The following DCC variants were observed in gnomAD, a reference collection of about 807,000 sequenced individuals.
DCC encodes netrin receptor DCC.
DCC carries 58 observed loss-of-function variants against 172.5 expected under a neutral mutation model. The observed-to-expected ratio is 0.34, with a 90% CI of 0.27 to 0.42. The LOEUF is 0.42. Ranked by LOEUF, DCC falls within the 10% of genes least tolerant of loss-of-function variation. The pLI is 1.00. For missense variants in DCC, 1,740 were observed against 1,791.0 expected (o/e 0.97, Z 0.51); for synonymous variants, 709 against 644.5 (o/e 1.10, Z -1.52).
intron 5 of DCC, among the ~76,000 whole-genome samples, chr18:52,953,311 A>G (rs768214998): frequency 3.3e-5 from 5 of 152,182 alleles, no homozygotes; most frequent in Non-Finnish European, 7.4e-5. Flanking sequence ...CCCCTTCTCT[A>G]TGGTTGCCCC....
intron 1 of DCC, among the ~76,000 whole-genome samples, chr18:52,607,832 AT>A (rs1384705788): frequency 6.6e-6 from 1 of 152,164 alleles, no homozygotes; most frequent in Non-Finnish European, 1.5e-5. Context: ...ACAAAAGATG[AT>A]TAGAGATCTG....
intron 2 of DCC, among the ~76,000 whole-genome samples, chr18:52,806,980 G>A (rs2038097763): frequency 6.6e-6 from 1 of 152,094 alleles, no homozygotes; most frequent in African/African-American, 2.4e-5. Context: ...GGATCATGAG[G>A]TCAAGAAATC....
chr18:52,645,738 A>C (rs1013684900), intron 1 of DCC, among the ~76,000 whole-genome samples: 1 of 152,244 alleles, frequency 6.6e-6, no homozygotes, highest in African/African-American at 2.4e-5. Flanking sequence ...GTTCAGATGT[A>C]GCAGAGAGTT....
intron 15 of DCC, among the ~76,000 whole-genome samples, chr18:53,381,162 A>T (rs1464448421): frequency 2.0e-5 from 1 of 50,482 alleles, no homozygotes; most frequent in East Asian, 3.3e-4. Flanking sequence ...TAAGTTAAAA[A>T]TTCAAACCAA....
At chr18:52,822,454 G>T (rs1176414527) in intron 2 of DCC, among the ~76,000 whole-genome samples, 1 of 152,196 alleles carries the variant, frequency 6.6e-6, no homozygotes, top group African/African-American at 2.4e-5. Context: ...TAATAGCTGA[G>T]CTGAGAGGCC....
intron 7 of DCC, among the ~76,000 whole-genome samples, chr18:53,127,875 A>G (rs1429979355): frequency 1.3e-5 from 2 of 152,172 alleles, no homozygotes; most frequent in Non-Finnish European, 1.5e-5. Flanking sequence ...TTCAGTACCT[A>G]TGGCACCAAA....
At chr18:53,148,082 T>C (rs755015584) in intron 7 of DCC, among the ~76,000 whole-genome samples, 52 of 152,230 alleles carry the variant, frequency 3.4e-4, no homozygotes, top group Non-Finnish European at 6.2e-4. Context: ...CTAGCATTGA[T>C]AAAATTATTT....
chr18:53,082,411 T>G (rs544356966), intron 7 of DCC, among the ~76,000 whole-genome samples: 1 of 152,056 alleles, frequency 6.6e-6, no homozygotes, highest in Non-Finnish European at 1.5e-5. Flanking sequence ...GGGTAACACT[T>G]TTATAATAAA....
chr18:52,895,729 AC>A (rs1012958338), intron 2 of DCC, among the ~76,000 whole-genome samples: 4 of 152,172 alleles, frequency 2.6e-5, no homozygotes, highest in African/African-American at 9.7e-5. Context: ...TACATATGTA[AC>A]TTTTCTTTTT....
In DCC at chr18:52,859,437, C is replaced by T. The variant is rs545832867; in HGVS notation, c.413-46607C>T. On this transcript the variant is annotated intron_variant, in intron 2 of 28. Coordinates refer to ENST00000442544, the MANE Select transcript of DCC (RefSeq NM_005215.4). ...ATTGCTTCTATTCCCCAGTAGGATTCAGAAGCTCGTATACAATCTTGAGGT... is the reference window on the plus strand; with the variant it reads ...ATTGCTTCTATTCCCCAGTAGGATTTAGAAGCTCGTATACAATCTTGAGGT... Among the ~76,000 whole-genome samples the T allele has an allele frequency of 6.6e-5, 10 of 152,246 alleles. No homozygotes were observed. The South Asian group carries it at 2.1e-3, about 32-fold the overall frequency.
intron 7 of DCC, among the ~76,000 whole-genome samples, chr18:53,137,497 A>G (rs1193418473): frequency 6.6e-6 from 1 of 152,176 alleles, no homozygotes; most frequent in African/African-American, 2.4e-5. Flanking sequence ...GTCTGCTATG[A>G]CATAGCTTTG....
chr18:52,709,121 G>A (rs913745105), intron 1 of DCC, among the ~76,000 whole-genome samples: 6 of 152,148 alleles, frequency 3.9e-5, no homozygotes, highest in African/African-American at 1.4e-4. Flanking sequence ...GGGGCACCTG[G>A]ATTGCAAGAT....
intron 25 of DCC, among the ~76,000 whole-genome samples, chr18:53,477,886 C>T (rs2045785188): frequency 6.6e-6 from 1 of 152,142 alleles, no homozygotes; most frequent in Non-Finnish European, 1.5e-5. Context: ...CTTTTGATTC[C>T]CCAGCCTAGT....
chr18:52,705,835 T>C (rs912206777), intron 1 of DCC, among the ~76,000 whole-genome samples: 11 of 152,202 alleles, frequency 7.2e-5, no homozygotes. Flanking sequence ...TTATAATTCA[T>C]TCATTGAATT....
In DCC at chr18:52,597,463, C is replaced by T. The variant is rs187477100; in HGVS notation, c.92-154591C>T. 9.2e-5 allele frequency among the ~76,000 whole-genome samples: 14 copies of T among 152,308 alleles called. No homozygotes were observed. In the East Asian group the frequency reaches 2.7e-3, roughly 29 times the overall value. Reference sequence around the variant, plus strand: ...CGATGGGTCAATATTGCTTTTGCTACTCCTCACAAAGTAGAAAATATGCGA... The same window carrying T: ...CGATGGGTCAATATTGCTTTTGCTATTCCTCACAAAGTAGAAAATATGCGA... On this transcript the variant is annotated intron_variant, in intron 1 of 28. Transcript: ENST00000442544.
chr18:53,098,874 G>A (rs2043123883), intron 7 of DCC, among the ~76,000 whole-genome samples: 1 of 152,052 alleles, frequency 6.6e-6, no homozygotes, highest in African/African-American at 2.4e-5. Context: ...GCCCAGCTGT[G>A]GTGGTATGTG....
At chr18:52,388,075 G>T (rs975401570) in intron 1 of DCC, among the ~76,000 whole-genome samples, 1 of 151,972 alleles carries the variant, frequency 6.6e-6, no homozygotes, top group Non-Finnish European at 1.5e-5. Context: ...GGCTCAGCCT[G>T]CATTGCTAGG....
intron 2 of DCC, among the ~76,000 whole-genome samples, chr18:52,779,181 T>G (rs2037487412): frequency 6.6e-6 from 1 of 152,112 alleles, no homozygotes; most frequent in South Asian, 2.1e-4. Flanking sequence ...ATACTTTAAG[T>G]TCTGGGATAC....
At chr18:53,137,813 T>C (rs1361950926) in intron 7 of DCC, among the ~76,000 whole-genome samples, 1 of 152,114 alleles carries the variant, frequency 6.6e-6, no homozygotes, top group Non-Finnish European at 1.5e-5. Flanking sequence ...TAAGCAAGAA[T>C]AATATTACTA....
Sources: allele counts gnomAD v4.1 joint callset (sites outside exome capture counted in the v4.1 genomes callset), GRCh38; gene constraint gnomAD v4.1.1; transcripts MANE v1.5; gene names NCBI Gene and HGNC (gene_info 2026-07-23, HGNC 2026-07-21).